Variants in GHR observed in about 807,000 individuals in gnomAD.
The protein encoded by GHR is GH receptor.
In GHR, 35 loss-of-function variants were observed where a neutral mutation model predicts 67.1. The observed-to-expected ratio is 0.52, with a 90% CI of 0.40 to 0.69. The LOEUF (loss-of-function observed/expected upper bound fraction) is 0.69. GHR is among the 30% of genes least tolerant of loss of function. The pLI is 0.00. For missense variants in GHR, 792 were observed against 764.6 expected (o/e 1.04, Z -0.42); for synonymous variants, 272 against 269.1 (o/e 1.01, Z -0.10).
intron 2 of GHR, among the ~76,000 whole-genome samples, chr5:42,575,279 T>C (rs34766974): frequency 0.18 from 27,542 of 152,056 alleles, 2,720 homozygotes; most frequent in Non-Finnish European, 0.19. Flanking sequence ...AGATTAGGGA[T>C]TTCAGAGCAG....
chr5:42,442,863 AG>A (rs1743637753), intron 1 of GHR, among the ~76,000 whole-genome samples: 1 of 152,240 alleles, frequency 6.6e-6, no homozygotes, highest in Admixed American at 6.5e-5. Flanking sequence ...CACAAATCAA[AG>A]TCAAATTCAC....
intron 1 of GHR, among the ~76,000 whole-genome samples, chr5:42,542,250 T>G (rs1748546779): frequency 6.6e-6 from 1 of 152,040 alleles, no homozygotes. Context: ...ATTAAGACAG[T>G]GTGTCAGAGA....
chr5:42,581,125 G>C (rs939853075), intron 2 of GHR, among the ~76,000 whole-genome samples: 66 of 152,092 alleles, frequency 4.3e-4, no homozygotes, highest in African/African-American at 1.4e-3. Flanking sequence ...CATTCTTAGA[G>C]CTCCTCTAAA....
chr5:42,645,745 G>A (rs34998290), intron 3 of GHR, among the ~76,000 whole-genome samples: 2,785 of 152,298 alleles, frequency 0.018, 30 homozygotes, highest in Non-Finnish European at 0.03. Context: ...TAATATAGTC[G>A]TTCAAGCTCA....
At chr5:42,564,813 C>G (rs960532423) in intron 1 of GHR, among the ~76,000 whole-genome samples, 1 of 152,084 alleles carries the variant, frequency 6.6e-6, no homozygotes, top group Non-Finnish European at 1.5e-5. Flanking sequence ...AGTAGAGGAT[C>G]TCGTGGAGCT....
chr5:42,601,392 C>CT lies in GHR; in HGVS notation c.71-27638dup, dbSNP rs556050567. Among the ~76,000 whole-genome samples, 202 of 151,728 alleles carry CT rather than the reference C, an allele frequency of 1.3e-3. 1 individual carries two copies. Among genetic ancestry groups the CT allele is most frequent in the African/African-American group, 4.6e-3 (192 of 41,356 alleles). ...CATAATTACTAGTATAACTTTTTTGCTTTTTTTTATTTCATTTTAATCTGT... is the reference window on the plus strand; with the variant it reads ...CATAATTACTAGTATAACTTTTTTGCTTTTTTTTTATTTCATTTTAATCTGT... On this transcript the variant is annotated intron_variant, in intron 2 of 9. Coordinates refer to ENST00000230882, the MANE Select transcript of GHR (RefSeq NM_000163.5).
rs548545946 is a variant in GHR, at chr5:42,660,170, T to C, written c.137-28720T>C. On this transcript the variant is annotated intron_variant, in intron 3 of 9. Coordinates refer to ENST00000230882, the MANE Select transcript of GHR (RefSeq NM_000163.5). ...CCTGCCTGCCTCTGTAGACTCCACC[T>C]CTGGGGGCAGGGTACAGACAAACAA... 8.5e-5 allele frequency among the ~76,000 whole-genome samples: 13 copies of C among 152,304 alleles called. No homozygotes were observed. In the East Asian group the frequency reaches 2.3e-3, roughly 27 times the overall value.
Position 42,718,943 on chromosome 5 carries a change from G to C in GHR, c.1436G>C (p.Ser479Thr). 2.5e-6 allele frequency: 4 copies of C among 1,613,916 alleles called. No homozygotes were observed. The highest frequency in any genetic ancestry group is 3.4e-6 in the Non-Finnish European group (4 of 1,179,892). The change falls in exon 10 of 10, where the codon AGT becomes ACT. Residue 479 changes from serine to threonine, a missense_variant. Coordinates refer to ENST00000230882, the MANE Select transcript of GHR (RefSeq NM_000163.5). ...GCCCATATTCAGCTAAGCAATCCAAGTTCACTGTCAAACATCGACTTTTAT... is the reference window on the plus strand; with the variant it reads ...GCCCATATTCAGCTAAGCAATCCAACTTCACTGTCAAACATCGACTTTTAT... ...QAAHIQLSNP[S>T]SLSNIDFYAQ...
chr5:42,437,688 C>T (rs944685034), intron 1 of GHR, among the ~76,000 whole-genome samples: 25 of 151,788 alleles, frequency 1.6e-4, no homozygotes, highest in Admixed American at 5.9e-4. Flanking sequence ...GGTGGGACTA[C>T]AGGTGCAGGC....
intron 2 of GHR, among the ~76,000 whole-genome samples, chr5:42,605,926 A>G (rs1199170754): frequency 2.0e-5 from 3 of 152,222 alleles, no homozygotes; most frequent in Non-Finnish European, 2.9e-5. Context: ...AACTCCGTCC[A>G]GGGAGAAACT....
At chr5:42,592,139 T>C (rs1483562213) in intron 2 of GHR, among the ~76,000 whole-genome samples, 1 of 152,194 alleles carries the variant, frequency 6.6e-6, no homozygotes, top group African/African-American at 2.4e-5. Context: ...GTTGCTGTGG[T>C]AGTTTTTGGA....
intron 3 of GHR, among the ~76,000 whole-genome samples, chr5:42,665,074 C>T (rs143082974): frequency 0.012 from 1,763 of 152,178 alleles, 41 homozygotes; most frequent in African/African-American, 0.041. Flanking sequence ...GTTAGAATGG[C>T]GATCATTAAA....
chr5:42,694,775 T>C, intron 4 of GHR, 142 bp from the exon 5 acceptor site: 1 of 718,864 alleles, frequency 1.4e-6, no homozygotes, highest in Non-Finnish European at 2.5e-6. Flanking sequence ...GTGATATGTC[T>C]CGGAAATGAT....
At chr5:42,678,086 A>C (rs962117059) in intron 3 of GHR, among the ~76,000 whole-genome samples, 9 of 152,156 alleles carry the variant, frequency 5.9e-5, no homozygotes, top group African/African-American at 2.2e-4. Context: ...AGCTCACTTA[A>C]TCTTTACAAT....
At chr5:42,452,763 T>C (rs867836794) in intron 1 of GHR, among the ~76,000 whole-genome samples, 1 of 152,152 alleles carries the variant, frequency 6.6e-6, no homozygotes, top group East Asian at 1.9e-4. Flanking sequence ...TTCTTTATGA[T>C]ATCTATTTCT....
chr5:42,627,912 AGG>A (rs139186952), intron 2 of GHR, among the ~76,000 whole-genome samples: 63 of 152,274 alleles, frequency 4.1e-4, no homozygotes, highest in African/African-American at 1.5e-3. Flanking sequence ...CAGATCATAC[AGG>A]GGCTCGAAGG....
intron 3 of GHR, among the ~76,000 whole-genome samples, chr5:42,632,203 C>T (rs1307788026): frequency 1.3e-5 from 2 of 152,190 alleles, no homozygotes; most frequent in African/African-American, 4.8e-5. Flanking sequence ...TCCCCAGGCA[C>T]ACTGTATTTT....
chr5:42,673,352 G>T (rs1349192624), intron 3 of GHR, among the ~76,000 whole-genome samples: 3 of 152,170 alleles, frequency 2.0e-5, no homozygotes, highest in Admixed American at 2.0e-4. Flanking sequence ...GCAGTTTGGA[G>T]ATTTCTCAAA....
chr5:42,561,299 GT>G (rs1425779927), intron 1 of GHR, among the ~76,000 whole-genome samples: 1 of 152,074 alleles, frequency 6.6e-6, no homozygotes, highest in Non-Finnish European at 1.5e-5. Context: ...TCATGTGTTT[GT>G]ACTGCCTTAT....
Sources: allele counts gnomAD v4.1 joint callset (sites outside exome capture counted in the v4.1 genomes callset), GRCh38; gene constraint gnomAD v4.1.1; transcripts MANE v1.5; gene names NCBI Gene and HGNC (gene_info 2026-07-23, HGNC 2026-07-21).